The following ASTN1 variants were observed in gnomAD, a reference collection of about 807,000 sequenced individuals.
ASTN1 encodes the protein astrotactin 1.
In ASTN1, 41 loss-of-function variants were observed where a neutral mutation model predicts 140.7. The ratio of observed to expected loss-of-function variants is 0.29; its 90% CI spans 0.23 to 0.38. ASTN1 has a LOEUF of 0.38. Ranked by LOEUF, ASTN1 falls within the 10% of genes least tolerant of loss-of-function variation. The probability of loss-of-function intolerance (pLI) is 1.00; values close to 1 mark genes in which losing one functional copy is unlikely to be tolerated. For missense variants in ASTN1, 1,479 were observed against 1,678.8 expected (o/e 0.88, Z 2.08); for synonymous variants, 640 against 652.2 (o/e 0.98, Z 0.29).
At chr1:177,157,724 C>T (rs962135232) in intron 1 of ASTN1, among the ~76,000 whole-genome samples, 1 of 152,156 alleles carries the variant, frequency 6.6e-6, no homozygotes, top group African/African-American at 2.4e-5. Context: ...TCCCTTCACA[C>T]AATCTTCCCT....
intron 2 of ASTN1, among the ~76,000 whole-genome samples, chr1:177,058,513 T>A (rs1677919669): frequency 6.6e-6 from 1 of 152,118 alleles, no homozygotes; most frequent in Non-Finnish European, 1.5e-5. Flanking sequence ...AGAGATAAGT[T>A]TAAAGTTGAC....
At chr1:176,861,062 C>G, downstream of ASTN1, 2 of 946,176 alleles carry the variant, frequency 2.1e-6, no homozygotes, top group South Asian at 9.8e-5. Flanking sequence ...CATCCACATA[C>G]CCAATGCTTA....
At chr1:177,153,780 G>A (rs549180072) in intron 1 of ASTN1, among the ~76,000 whole-genome samples, 3 of 152,100 alleles carry the variant, frequency 2.0e-5, no homozygotes, top group South Asian at 2.1e-4. Context: ...ACAATAACCT[G>A]GGAAAAATGA....
chr1:177,106,642 A>G (rs981772014), intron 1 of ASTN1, among the ~76,000 whole-genome samples: 1 of 152,196 alleles, frequency 6.6e-6, no homozygotes, highest in Non-Finnish European at 1.5e-5. Flanking sequence ...ATTTGAGTCT[A>G]TGATACCTCA....
rs1453949475 is a variant in ASTN1 at position 176,958,337 on chromosome 1, A to G, written c.1736+8T>C. 5 of 1,613,926 alleles carry G rather than the reference A, an allele frequency of 3.1e-6. No homozygotes were observed. The highest frequency in any genetic ancestry group is 4.2e-6 in the Non-Finnish European group (5 of 1,179,866). Reference sequence around the variant, plus strand: ...AATTGCAGGCCTCAGTCCTGAAGCCAGACTCACCTGACCTCCACAGCATCC... The same window carrying G: ...AATTGCAGGCCTCAGTCCTGAAGCCGGACTCACCTGACCTCCACAGCATCC... On this transcript the variant is annotated splice_region_variant and intron_variant, in intron 10 of 22. Transcript: ENST00000361833.
At chr1:177,003,718 A>C (rs1674852211) in intron 8 of ASTN1, among the ~76,000 whole-genome samples, 1 of 152,074 alleles carries the variant, frequency 6.6e-6, no homozygotes, top group South Asian at 2.1e-4. Flanking sequence ...AGGCTGAGGC[A>C]GGAGAATCGC....
At chr1:177,042,555 C>T in intron 2 of ASTN1, among the ~76,000 whole-genome samples, 1 of 152,128 alleles carries the variant, frequency 6.6e-6, no homozygotes, top group East Asian at 1.9e-4. Flanking sequence ...AATACTGGTA[C>T]AATAAAGAAG....
At chr1:177,027,713 A>AGTGT (rs56405518) in intron 5 of ASTN1, among the ~76,000 whole-genome samples, 15,774 of 118,322 alleles carry the variant, frequency 0.13, 1,142 homozygotes, top group Non-Finnish European at 0.19. Flanking sequence ...AACCCAGTAC[A>AGTGT]GTGTGTGTGT....
chr1:177,054,801 T>C (rs1490058201), intron 2 of ASTN1, among the ~76,000 whole-genome samples: 1 of 152,122 alleles, frequency 6.6e-6, no homozygotes, highest in Non-Finnish European at 1.5e-5. Context: ...AGCTTTGCAA[T>C]TGAGAAAGAT....
intron 3 of ASTN1, among the ~76,000 whole-genome samples, chr1:177,031,822 TTCTC>T (rs1025943686): frequency 1.1e-4 from 16 of 152,190 alleles, no homozygotes; most frequent in Admixed American, 2.6e-4. Context: ...AGTGCAGTCT[TTCTC>T]TCTCTGCAGT....
intron 6 of ASTN1, among the ~76,000 whole-genome samples, chr1:177,024,013 C>G (rs1675969100): frequency 1.3e-5 from 2 of 152,360 alleles, no homozygotes; most frequent in Non-Finnish European, 2.9e-5. Flanking sequence ...TCCAGCCTTA[C>G]AGCAACTCAG....
intron 1 of ASTN1, among the ~76,000 whole-genome samples, chr1:177,148,740 T>A (rs1455208184): frequency 6.6e-6 from 1 of 151,440 alleles, no homozygotes; most frequent in Non-Finnish European, 1.5e-5. Flanking sequence ...TCAAGGAAGA[T>A]CAACAGTGAC....
At chr1:176,884,174 C>G (rs1172937689) in intron 19 of ASTN1, among the ~76,000 whole-genome samples, 165 bp downstream of exon 19, 3 of 152,206 alleles carry the variant, frequency 2.0e-5, no homozygotes, top group Admixed American at 2.0e-4. Flanking sequence ...CTTGGAAGAA[C>G]AGCTGCTTCC....
chr1:177,120,585 A>G (rs1208565049), intron 1 of ASTN1, among the ~76,000 whole-genome samples: 5 of 152,172 alleles, frequency 3.3e-5, no homozygotes, highest in African/African-American at 1.2e-4. Flanking sequence ...AAACAAGCCG[A>G]TTCTTTTGAT....
chr1:176,904,149 T>C (rs1349487638), intron 16 of ASTN1, among the ~76,000 whole-genome samples: 1 of 152,182 alleles, frequency 6.6e-6, no homozygotes, highest in East Asian at 1.9e-4. Context: ...CACGACAGTG[T>C]CCATAGCCTT....
At chr1:176,908,541 A>G (rs560957673) in intron 16 of ASTN1, among the ~76,000 whole-genome samples, 1 of 152,318 alleles carries the variant, frequency 6.6e-6, no homozygotes, top group African/African-American at 2.4e-5. Flanking sequence ...GGAATTCCTT[A>G]TCTCATGGCA....
At chr1:177,112,246 A>T (rs1171750439) in intron 1 of ASTN1, among the ~76,000 whole-genome samples, 1 of 152,240 alleles carries the variant, frequency 6.6e-6, no homozygotes, top group Non-Finnish European at 1.5e-5. Context: ...TTCAGCAGGA[A>T]AAAAAATACT....
intron 1 of ASTN1, among the ~76,000 whole-genome samples, chr1:177,152,942 T>C (rs911815213): frequency 3.0e-4 from 45 of 152,282 alleles, no homozygotes; most frequent in African/African-American, 1.0e-3. Flanking sequence ...TGGAATTTAT[T>C]ATATGATAAA....
intron 1 of ASTN1, among the ~76,000 whole-genome samples, chr1:177,113,131 T>C (rs529292627): frequency 1.3e-5 from 2 of 152,274 alleles, no homozygotes; most frequent in East Asian, 1.9e-4. Context: ...CCCTGAAAAC[T>C]GCCTCTCATG....
Sources: allele counts gnomAD v4.1 joint callset (sites outside exome capture counted in the v4.1 genomes callset), GRCh38; gene constraint gnomAD v4.1.1; transcripts MANE v1.5; gene names NCBI Gene and HGNC (gene_info 2026-07-23, HGNC 2026-07-21).